The following LDB2 variants were observed in gnomAD, a reference collection of about 807,000 sequenced individuals.
The protein encoded by LDB2 is LIM domain-binding protein 2.
In LDB2, 12 loss-of-function variants were observed where a neutral mutation model predicts 44.3. The observed-to-expected ratio is 0.27, with a 90% confidence interval of 0.17 to 0.44. The LOEUF is 0.44. Among genes scored for constraint, LDB2 ranks in the 20% least tolerant of loss-of-function variants. The probability of loss-of-function intolerance (pLI) is 1.00; values close to 1 mark genes in which losing one functional copy is unlikely to be tolerated. For missense variants in LDB2, 344 were observed against 473.5 expected, an observed-to-expected ratio of 0.73 and a Z score of 2.54; for synonymous variants, 164 against 174.8, an observed-to-expected ratio of 0.94 and a Z score of 0.49.
At chr4:16,748,087 A>G (rs1381304981) in intron 2 of LDB2, among the ~76,000 whole-genome samples, 2 of 152,192 alleles carry the variant, frequency 1.3e-5, no homozygotes, top group East Asian at 3.8e-4. Flanking sequence ...TGTGTAAGGG[A>G]GTAATGGTGC....
chr4:16,644,107 A>AT (rs1447802001), intron 2 of LDB2, among the ~76,000 whole-genome samples: 1 of 152,192 alleles, frequency 6.6e-6, no homozygotes, highest in East Asian at 1.9e-4. Flanking sequence ...AAACCCATCC[A>AT]TTTGGAATGC....
intron 5 of LDB2, among the ~76,000 whole-genome samples, chr4:16,565,175 A>C (rs766117879): frequency 6.6e-6 from 1 of 152,208 alleles, no homozygotes; most frequent in Non-Finnish European, 1.5e-5. Flanking sequence ...CTTACTGGCT[A>C]TCTGGTCTTG....
At chr4:16,665,466 C>G (rs1453070705) in intron 2 of LDB2, among the ~76,000 whole-genome samples, 2 of 152,062 alleles carry the variant, frequency 1.3e-5, no homozygotes, top group Admixed American at 1.3e-4. Flanking sequence ...GGGGTTTCAC[C>G]ATGTTGGCCA....
At chr4:16,743,864 T>C (rs762066916) in intron 2 of LDB2, among the ~76,000 whole-genome samples, 6 of 152,190 alleles carry the variant, frequency 3.9e-5, no homozygotes, top group Admixed American at 3.9e-4. Context: ...TGTGAGATAA[T>C]ACATGTGTGT....
chr4:16,869,276 A>G (rs1228789610), intron 1 of LDB2, among the ~76,000 whole-genome samples: 1 of 151,372 alleles, frequency 6.6e-6, no homozygotes, highest in Non-Finnish European at 1.5e-5. Flanking sequence ...TTCTAAGGGC[A>G]GAATTCTAGT....
At chr4:16,550,820 C>A (rs566594928) in intron 5 of LDB2, among the ~76,000 whole-genome samples, 50 of 152,304 alleles carry the variant, frequency 3.3e-4, no homozygotes, top group African/African-American at 1.2e-3. Context: ...TATAGTAGCA[C>A]AGTTTATAAT....
intron 1 of LDB2, among the ~76,000 whole-genome samples, chr4:16,877,714 A>G (rs1308067122): frequency 6.6e-6 from 1 of 152,244 alleles, no homozygotes; most frequent in African/African-American, 2.4e-5. Context: ...CAAAGCCTGA[A>G]CAATCAATAG....
intron 2 of LDB2, among the ~76,000 whole-genome samples, chr4:16,742,260 C>T (rs1476673623): frequency 1.3e-5 from 2 of 151,900 alleles, no homozygotes; most frequent in African/African-American, 2.4e-5. Flanking sequence ...TTATTAGAGA[C>T]GGGGCTTCAC....
intron 2 of LDB2, among the ~76,000 whole-genome samples, chr4:16,660,021 A>G (rs1741110383): frequency 6.6e-6 from 1 of 152,158 alleles, no homozygotes; most frequent in Non-Finnish European, 1.5e-5. Context: ...CGCAGGGTAC[A>G]GTTAGCAATG....
At chr4:16,696,516 T>C (rs1752167555) in intron 2 of LDB2, among the ~76,000 whole-genome samples, 1 of 152,090 alleles carries the variant, frequency 6.6e-6, no homozygotes, top group Admixed American at 6.5e-5. Flanking sequence ...ACAGCCTAAT[T>C]TGGGTCTTTT....
intron 2 of LDB2, among the ~76,000 whole-genome samples, chr4:16,658,060 A>G (rs1740431106): frequency 6.6e-6 from 1 of 152,198 alleles, no homozygotes; most frequent in Non-Finnish European, 1.5e-5. Flanking sequence ...ACTAGGGCTC[A>G]ACTTGATGAT....
intron 1 of LDB2, among the ~76,000 whole-genome samples, chr4:16,761,994 C>T (rs1319068476): frequency 6.6e-6 from 1 of 151,924 alleles, no homozygotes; most frequent in East Asian, 1.9e-4. Context: ...AAATAGAAAA[C>T]TCAGTGGAAT....
chr4:16,567,780 C>CA lies in LDB2; in HGVS notation c.615+18141dup, dbSNP rs888503975. 6.6e-5 allele frequency among the ~76,000 whole-genome samples: 10 copies of CA among 151,524 alleles called. No homozygotes were observed. The East Asian group carries it at 1.7e-3, about 26-fold the overall frequency. On this transcript the variant is annotated intron_variant, in intron 5 of 7. Coordinates refer to ENST00000304523, the MANE Select transcript of LDB2 (RefSeq NM_001290.5). The stretch of plus-strand genomic sequence containing the variant: ...GCGAGACAACGTCTCAAGAACAAAA[C>CA]AAAAAAAAGTTTACATTTCAAGCAT...
At chr4:16,599,802 AG>A (rs1235137267) in intron 2 of LDB2, among the ~76,000 whole-genome samples, 1 of 152,218 alleles carries the variant, frequency 6.6e-6, no homozygotes, top group Non-Finnish European at 1.5e-5. Context: ...AACCTGGAGT[AG>A]GTATAAAGCT....
At chr4:16,809,209 T>C (rs1166013053) in intron 1 of LDB2, among the ~76,000 whole-genome samples, 1 of 152,196 alleles carries the variant, frequency 6.6e-6, no homozygotes, top group Non-Finnish European at 1.5e-5. Flanking sequence ...ATTGACCAGA[T>C]GCTACATAAC....
At position 16,895,552 on chromosome 4, in the gene LDB2, G is replaced by A. The variant is rs572329301; in HGVS notation, c.132+2802C>T. On this transcript the variant is annotated intron_variant, in intron 1 of 7. Transcript: ENST00000304523. ...TACCCAGTGGGGTGTGTTTGTGTGTGTGTGTGTGTGAGAGAGATATTAGGA... is the reference window on the plus strand; with the variant it reads ...TACCCAGTGGGGTGTGTTTGTGTGTATGTGTGTGTGAGAGAGATATTAGGA... 1.7e-4 allele frequency among the ~76,000 whole-genome samples: 26 copies of A among 152,172 alleles called. No homozygotes were observed. The South Asian group carries it at 5.2e-3, about 30-fold the overall frequency.
intron 1 of LDB2, among the ~76,000 whole-genome samples, chr4:16,867,342 A>G (rs1337267870): frequency 1.3e-5 from 2 of 152,210 alleles, no homozygotes; most frequent in Non-Finnish European, 2.9e-5. Context: ...AATTTAAAGT[A>G]AACACTAAAG....
In LDB2 at chr4:16,531,388, C is replaced by T. The variant is rs143666016; in HGVS notation, c.616-19284G>A. 7.8e-4 allele frequency among the ~76,000 whole-genome samples: 119 copies of T among 152,358 alleles called. No individual in the cohort carries two copies. The East Asian group carries it at 0.015, about 19-fold the overall frequency. On this transcript the variant is annotated intron_variant, in intron 5 of 7. Transcript: ENST00000304523. ...AATTTCTCATTCTACCATCTCTCTT[C>T]ACAATCATGTGTGAAGGTGAAGAAT...
chr4:16,866,828 T>A (rs1178269396), intron 1 of LDB2, among the ~76,000 whole-genome samples: 1 of 152,224 alleles, frequency 6.6e-6, no homozygotes, highest in Admixed American at 6.5e-5. Context: ...GCCTGTGTTG[T>A]TTGCAGAGTA....
Sources: gnomAD v4.1 joint callset for allele counts (sites outside exome capture counted in the v4.1 genomes callset) on GRCh38, gnomAD v4.1.1 for gene constraint, MANE v1.5 for transcripts, NCBI Gene and HGNC (gene_info 2026-07-23, HGNC 2026-07-21) for gene names.